ALK: variants seen among roughly 807,000 people sequenced by gnomAD.
ALK encodes the protein ALK tyrosine kinase receptor.
ALK carries 74 observed loss-of-function variants against 163.1 expected under a neutral mutation model. That is an observed-to-expected ratio of 0.45 (90% CI 0.38 to 0.55). The LOEUF (loss-of-function observed/expected upper bound fraction) is 0.55. Ranked by LOEUF, ALK falls within the 20% of genes least tolerant of loss-of-function variation. The pLI is 0.00. For missense variants in ALK, 2,063 were observed against 2,105.3 expected (o/e 0.98, Z 0.39); for synonymous variants, 960 against 843.2 (o/e 1.14, Z -2.40).
chr2:29,536,463 C>A (rs1390103255), intron 3 of ALK, among the ~76,000 whole-genome samples: 1 of 152,194 alleles, frequency 6.6e-6, no homozygotes, highest in Non-Finnish European at 1.5e-5. Context: ...AAACAGATGT[C>A]ATTGCCATGC....
chr2:29,421,293 G>C (rs1387005687), intron 4 of ALK, among the ~76,000 whole-genome samples: 1 of 151,694 alleles, frequency 6.6e-6, no homozygotes, highest in East Asian at 1.9e-4. Flanking sequence ...TGACTGTGCA[G>C]AGAAAGTAAT....
intron 1 of ALK, among the ~76,000 whole-genome samples, chr2:29,842,319 G>T (rs1407689042): frequency 6.6e-6 from 1 of 152,160 alleles, no homozygotes; most frequent in Admixed American, 6.5e-5. Flanking sequence ...AGTAACAAGG[G>T]ATTTATTGGA....
intron 20 of ALK, among the ~76,000 whole-genome samples, chr2:29,222,808 A>C (rs1185690065): frequency 6.6e-6 from 1 of 152,224 alleles, no homozygotes; most frequent in Non-Finnish European, 1.5e-5. Flanking sequence ...ACTGGTAAGA[A>C]GGATTCCAAC....
chr2:29,702,474 G>A (rs1678772654), intron 2 of ALK, among the ~76,000 whole-genome samples: 2 of 152,186 alleles, frequency 1.3e-5, no homozygotes, highest in Non-Finnish European at 2.9e-5. Flanking sequence ...GACTGAGTCA[G>A]AGGACACATC....
intron 11 of ALK, among the ~76,000 whole-genome samples, chr2:29,267,868 T>C (rs933935700): frequency 6.6e-6 from 1 of 152,192 alleles, no homozygotes; most frequent in Non-Finnish European, 1.5e-5. Context: ...AAAAAAGCAG[T>C]CTTCCCAAAC....
At chr2:29,203,685 C>T (rs1018041863) in intron 26 of ALK, among the ~76,000 whole-genome samples, 7 of 151,692 alleles carry the variant, frequency 4.6e-5, no homozygotes, top group Admixed American at 3.9e-4. Context: ...CGGGTTTCAC[C>T]ATCTTGGCCA....
chr2:29,478,137 T>C (rs1671572694), intron 4 of ALK, among the ~76,000 whole-genome samples: 1 of 152,152 alleles, frequency 6.6e-6, no homozygotes. Flanking sequence ...ACCCAACAGA[T>C]AGAAATATGA....
chr2:29,640,410 G>A (rs2148245001), intron 3 of ALK, among the ~76,000 whole-genome samples: 1 of 152,252 alleles, frequency 6.6e-6, no homozygotes, highest in African/African-American at 2.4e-5. Flanking sequence ...TTAAAAGTGT[G>A]TGACACCTAC....
At chr2:29,591,045 T>C (rs1214671543) in intron 3 of ALK, among the ~76,000 whole-genome samples, 1 of 112,240 alleles carries the variant, frequency 8.9e-6, no homozygotes, top group Non-Finnish European at 1.6e-5. Context: ...CACTCCAACC[T>C]GGGAGACACA....
chr2:29,315,403 C>G (rs1187640035), intron 8 of ALK, among the ~76,000 whole-genome samples: 4 of 152,254 alleles, frequency 2.6e-5, no homozygotes, highest in East Asian at 1.9e-4. Flanking sequence ...TCTTCTCCCC[C>G]GCCTCCATCA....
intron 4 of ALK, among the ~76,000 whole-genome samples, chr2:29,508,812 A>T (rs1053604247): frequency 2.0e-5 from 3 of 149,640 alleles, no homozygotes; most frequent in Non-Finnish European, 3.0e-5. Context: ...CATGCATTTT[A>T]CTAGATCCCC....
intron 1 of ALK, among the ~76,000 whole-genome samples, chr2:29,750,234 T>G (rs193033469): frequency 6.6e-6 from 1 of 152,222 alleles, no homozygotes; most frequent in Non-Finnish European, 1.5e-5. Context: ...GGTAGCCTAC[T>G]ATATGCCTAG....
chr2:29,717,822 G>T, intron 1 of ALK, 125 bp from the exon 2 acceptor site: 1 of 1,343,490 alleles, frequency 7.4e-7, no homozygotes, highest in Non-Finnish European at 1.1e-6. Context: ...GAAGATGAGG[G>T]GGAAAAAATT....
intron 1 of ALK, among the ~76,000 whole-genome samples, chr2:29,765,551 A>G (rs1381834627): frequency 6.6e-6 from 1 of 152,108 alleles, no homozygotes; most frequent in Non-Finnish European, 1.5e-5. Context: ...GGCTCAAGTG[A>G]TCCTTTGGTC....
At chr2:29,577,010 A>G (rs1335201528) in intron 3 of ALK, among the ~76,000 whole-genome samples, 2 of 152,138 alleles carry the variant, frequency 1.3e-5, no homozygotes, top group East Asian at 1.9e-4. Flanking sequence ...ATGTGCATGA[A>G]TCATCCTGAA....
At chr2:29,577,426 G>A (rs187595527) in intron 3 of ALK, among the ~76,000 whole-genome samples, 3 of 152,230 alleles carry the variant, frequency 2.0e-5, no homozygotes, top group East Asian at 1.9e-4. Context: ...GAAATTTAAC[G>A]AGCAGTCTGA....
At chr2:29,606,378 C>T (rs1675542507) in intron 3 of ALK, among the ~76,000 whole-genome samples, 1 of 152,184 alleles carries the variant, frequency 6.6e-6, no homozygotes, top group Non-Finnish European at 1.5e-5. Flanking sequence ...AAGGGCAGGG[C>T]CCCAGAAAAG....
chr2:29,602,737 G>C (rs1675414521), intron 3 of ALK, among the ~76,000 whole-genome samples: 1 of 152,202 alleles, frequency 6.6e-6, no homozygotes, highest in South Asian at 2.1e-4. Context: ...AAAGAAGGTG[G>C]AAGGACTATA....
At chr2:29,493,401 G>A (rs1014082383) in intron 4 of ALK, among the ~76,000 whole-genome samples, 9 of 152,136 alleles carry the variant, frequency 5.9e-5, no homozygotes, top group African/African-American at 2.2e-4. Context: ...AGAGAGTCAC[G>A]TATCGTGTTT....
Sources: gnomAD v4.1 joint callset for allele counts (sites outside exome capture counted in the v4.1 genomes callset) on GRCh38, gnomAD v4.1.1 for gene constraint, MANE v1.5 for transcripts, NCBI Gene and HGNC (gene_info 2026-07-23, HGNC 2026-07-21) for gene names.